Variants in NSMCE2 observed in about 807,000 individuals in gnomAD.
NSMCE2 encodes E3 SUMO-protein ligase NSE2.
A neutral mutation model predicts 23.8 loss-of-function variants in NSMCE2; 24 were observed. The observed-to-expected ratio is 1.01, with a 90% confidence interval of 0.73 to 1.42. NSMCE2 has a LOEUF of 1.42. Among genes scored for constraint, NSMCE2 ranks in the 40% most tolerant of loss-of-function variants. The pLI is 0.00. For synonymous variants in NSMCE2, 92 were observed against 94.1 expected, an observed-to-expected ratio of 0.98 and a Z score of 0.13; for missense variants, 284 against 296.5, an observed-to-expected ratio of 0.96 and a Z score of 0.31.
intron 5 of NSMCE2, among the ~76,000 whole-genome samples, chr8:125,233,518 A>G (rs1025470624): frequency 2.6e-4 from 40 of 152,244 alleles, no homozygotes; most frequent in Non-Finnish European, 3.8e-4. Context: ...TAATACTAAT[A>G]TGCAATAAAT....
At chr8:125,283,741 C>T (rs1827782778) in intron 5 of NSMCE2, among the ~76,000 whole-genome samples, 1 of 152,150 alleles carries the variant, frequency 6.6e-6, no homozygotes, top group Non-Finnish European at 1.5e-5. Flanking sequence ...GGGGCAGTGC[C>T]CTCATGACAC....
intron 5 of NSMCE2, among the ~76,000 whole-genome samples, chr8:125,276,936 G>A (rs1358899383): frequency 6.6e-6 from 1 of 152,182 alleles, no homozygotes; most frequent in African/African-American, 2.4e-5. Context: ...ATAGATGACA[G>A]TGTGAATGGC....
At chr8:125,310,023 G>A (rs186938434) in intron 5 of NSMCE2, among the ~76,000 whole-genome samples, 359 of 152,234 alleles carry the variant, frequency 2.4e-3, no homozygotes, top group African/African-American at 8.4e-3. Context: ...TATGATGGGG[G>A]GACCCTCATC....
In NSMCE2 at chr8:125,182,124, A is replaced by G. The variant is rs1405750171; in HGVS notation, c.286A>G (p.Lys96Glu). 1 of 1,598,750 alleles carries G rather than the reference A, an allele frequency of 6.3e-7. No individual in the cohort carries two copies. The highest frequency in any genetic ancestry group is 8.5e-7 in the Non-Finnish European group (1 of 1,175,112). Residue 96 changes from lysine to glutamate, a missense_variant, in exon 5 of 8, where the codon AAA becomes GAA. Physicochemically the swap from Lys to Glu is moderately conservative, Grantham distance 56 (BLOSUM62 1). Around this residue, in one of 2 missense-constraint regions of NSMCE2, gnomAD observed 182 missense variants for 155.5 expected, o/e 1.17. Transcript: ENST00000287437. Reference protein sequence around the residue: ...INHVKEERPEKIPDLKLLVEK... With the variant: ...INHVKEERPEEIPDLKLLVEK... ...TTAGGTGAAAGAAGAACGTCCAGAA[A>G]AAATACCAGATTTAAAATTATTGGT...
chr8:125,264,335 A>G (rs1032001511), intron 5 of NSMCE2, among the ~76,000 whole-genome samples: 1 of 152,172 alleles, frequency 6.6e-6, no homozygotes, highest in African/African-American at 2.4e-5. Flanking sequence ...TGCCTTATGT[A>G]TATCCTCTGT....
At chr8:125,299,000 C>CATA (rs1828445122) in intron 5 of NSMCE2, among the ~76,000 whole-genome samples, 2 of 152,188 alleles carry the variant, frequency 1.3e-5, no homozygotes, top group Non-Finnish European at 2.9e-5. Context: ...TTTCTGCATG[C>CATA]ATACCCAAGG....
chr8:125,277,997 T>C (rs182822733), intron 5 of NSMCE2, among the ~76,000 whole-genome samples: 338 of 152,336 alleles, frequency 2.2e-3, no homozygotes, highest in African/African-American at 7.7e-3. Context: ...ATGTTAGATA[T>C]GGTATCAGTG....
At chr8:125,329,834 A>T (rs1829805871) in intron 5 of NSMCE2, among the ~76,000 whole-genome samples, 1 of 152,220 alleles carries the variant, frequency 6.6e-6, no homozygotes, top group Non-Finnish European at 1.5e-5. Flanking sequence ...TAATTCACAC[A>T]GTGTTCACTC....
chr8:125,268,747 G>A (rs774767422), intron 5 of NSMCE2, among the ~76,000 whole-genome samples: 4 of 152,102 alleles, frequency 2.6e-5, no homozygotes, highest in Non-Finnish European at 4.4e-5. Context: ...AGATGGAGGA[G>A]GTGTAAGATC....
intron 3 of NSMCE2, among the ~76,000 whole-genome samples, chr8:125,147,927 T>C (rs551983648): frequency 4.6e-5 from 7 of 152,212 alleles, no homozygotes; most frequent in Middle Eastern, 3.2e-3. Flanking sequence ...ATGACCTGTC[T>C]TTAAGATGCT....
intron 5 of NSMCE2, among the ~76,000 whole-genome samples, chr8:125,216,476 C>T (rs879579701): frequency 6.6e-5 from 10 of 152,056 alleles, no homozygotes; most frequent in Non-Finnish European, 1.3e-4. Flanking sequence ...CCGCTTTCTA[C>T]TAAAAATACA....
intron 5 of NSMCE2, among the ~76,000 whole-genome samples, chr8:125,212,169 A>G (rs1824377378): frequency 6.6e-6 from 1 of 152,186 alleles, no homozygotes; most frequent in Admixed American, 6.5e-5. Flanking sequence ...ACACGTGTGA[A>G]TCTCAGTGTT....
intron 5 of NSMCE2, among the ~76,000 whole-genome samples, chr8:125,316,768 C>T (rs528753227): frequency 5.3e-5 from 7 of 133,102 alleles, no homozygotes; most frequent in African/African-American, 2.1e-4. Flanking sequence ...TCCTTCCTTC[C>T]TTCTCTCTCT....
At chr8:125,151,024 A>T (rs537703859) in intron 3 of NSMCE2, 147 bp from the exon 4 acceptor site, 4 of 429,618 alleles carry the variant, frequency 9.3e-6, no homozygotes, top group Non-Finnish European at 1.2e-5. Context: ...TTTATTTTTT[A>T]TTTTTTTGAG....
At chr8:125,237,216 C>T (rs1010160387) in intron 5 of NSMCE2, among the ~76,000 whole-genome samples, 3 of 152,114 alleles carry the variant, frequency 2.0e-5, no homozygotes, top group Admixed American at 1.3e-4. Flanking sequence ...GAGAAGTGAA[C>T]ACCTAATAGA....
At chr8:125,316,877 C>T (rs1829230390) in intron 5 of NSMCE2, among the ~76,000 whole-genome samples, 1 of 151,804 alleles carries the variant, frequency 6.6e-6, no homozygotes, top group Non-Finnish European at 1.5e-5. Context: ...CTCTCAGACT[C>T]AAGGAATTCT....
chr8:125,308,284 T>TA (rs1292911432), intron 5 of NSMCE2, among the ~76,000 whole-genome samples: 2 of 152,192 alleles, frequency 1.3e-5, no homozygotes, highest in Non-Finnish European at 2.9e-5. Flanking sequence ...TGATTTAAGA[T>TA]AAAAAATCCT....
In NSMCE2 at chr8:125,366,912, C is replaced by T. The variant is rs374918920; in HGVS notation, c.*27C>T. ...AAAAGCCACCTGCCTGCAGGGACAC[C>T]AGCAGCCTACCTCCTACCCCAGCTG... On this transcript the variant is annotated 3_prime_UTR_variant, in exon 8 of 8. Coordinates refer to ENST00000287437, the MANE Select transcript of NSMCE2 (RefSeq NM_173685.4). 8 of 1,281,114 alleles carry T rather than the reference C, an allele frequency of 6.2e-6. No individual in the cohort carries two copies. Among genetic ancestry groups the T allele is most frequent in the South Asian group, 1.2e-5 (1 of 84,260 alleles). The allele number at this position is 1,281,114 out of a possible 1,614,324, so 79.4% of individuals were successfully genotyped here.
chr8:125,160,083 AG>A (rs747622116), intron 4 of NSMCE2, among the ~76,000 whole-genome samples: 2 of 152,218 alleles, frequency 1.3e-5, no homozygotes, highest in Non-Finnish European at 2.9e-5. Flanking sequence ...ATAGTTTGAC[AG>A]AGACAATAAA....
Sources: allele counts gnomAD v4.1 joint callset (sites outside exome capture counted in the v4.1 genomes callset), GRCh38; gene constraint gnomAD v4.1.1; regional missense constraint gnomAD v4.1.1; transcripts MANE v1.5; gene names NCBI Gene and HGNC (gene_info 2026-07-23, HGNC 2026-07-21).